Variants in VWA8 observed in about 807,000 individuals in gnomAD.
The protein encoded by VWA8 is von Willebrand factor A domain containing 8.
Under a neutral mutation model 241.5 loss-of-function variants are expected in VWA8, and 221 were observed. The observed-to-expected ratio is 0.91, with a 90% CI of 0.82 to 1.02. The LOEUF is 1.02. Among genes scored for constraint, VWA8 ranks in the 50% least tolerant of loss-of-function variants. The pLI is 0.00. For synonymous variants in VWA8, 852 were observed against 827.1 expected (o/e 1.03, Z -0.52); for missense variants, 2,322 against 2,328.7 (o/e 1.00, Z 0.06).
At chr13:41,895,838 T>TTG (rs1469515415) in intron 4 of VWA8, among the ~76,000 whole-genome samples, 3 of 151,048 alleles carry the variant, frequency 2.0e-5, no homozygotes, top group Non-Finnish European at 4.4e-5. Context: ...TTTCTTTTTT[T>TTG]TTTTTTTTTT....
chr13:41,739,839 G>GTT (rs1417524214), intron 21 of VWA8, among the ~76,000 whole-genome samples: 3 of 43,584 alleles, frequency 6.9e-5, no homozygotes, highest in Non-Finnish European at 1.5e-4. Context: ...TTTTTTTTTT[G>GTT]TTTTTTTTGT....
At chr13:41,716,380 T>C (rs531385838) in intron 26 of VWA8, among the ~76,000 whole-genome samples, 1 of 152,128 alleles carries the variant, frequency 6.6e-6, no homozygotes, top group African/African-American at 2.4e-5. Flanking sequence ...CTGCACTCTT[T>C]AGGAGAACAA....
rs372826442 is a variant in VWA8, at chr13:41,568,279, C to T, written c.5636G>A (p.Arg1879Gln). The change falls in exon 45 of 45, where the codon CGG becomes CAG. Residue 1879 changes from arginine (R) to glutamine (Q), a missense_variant. Transcript: ENST00000379310. ...TRLQRTLPAG[R>Q]SFVAMDTKDI... is the part of the protein sequence containing the mutation. ...CTTGGTATCCATGGCAACGAAAGAC[C>T]GACCAGCTGGTAAAGTTCTCTGAAG... is the stretch of plus-strand genomic sequence containing the variant. The T allele has an allele frequency of 1.2e-5, 19 of 1,614,080 alleles. No homozygotes were observed. The highest frequency in any genetic ancestry group is 5.3e-5 in the African/African-American group (4 of 75,024).
intron 38 of VWA8, among the ~76,000 whole-genome samples, chr13:41,612,691 C>A (rs1337670190): frequency 6.6e-6 from 1 of 152,108 alleles, no homozygotes; most frequent in African/African-American, 2.4e-5. Context: ...TAACCTGTTT[C>A]TTTTGTTCAT....
chr13:41,783,739 G>A (rs956048782), intron 19 of VWA8, 56 bp downstream of exon 19: 10 of 1,166,834 alleles, frequency 8.6e-6, no homozygotes, highest in Admixed American at 6.4e-5. Flanking sequence ...ACTTGAATTG[G>A]AGTGTACTAC....
chr13:41,838,170 A>T (rs751937493), intron 12 of VWA8, among the ~76,000 whole-genome samples: 15 of 152,162 alleles, frequency 9.9e-5, no homozygotes, highest in Non-Finnish European at 1.9e-4. Flanking sequence ...ATATGCTTTA[A>T]ATGTTTTTAG....
rs9566847 is a variant in VWA8 at position 41,767,881 on chromosome 13, A to G, written c.2350-6677T>C. 1.5e-3 allele frequency among the ~76,000 whole-genome samples: 232 copies of G among 152,346 alleles called. 6 individuals carry two copies. The East Asian group carries it at 0.036, about 24-fold the overall frequency. On this transcript the variant is annotated intron_variant, in intron 20 of 44. Transcript: ENST00000379310. ...CCAAAGCAGTCACGACAAATATTGC[A>G]GGGGGCAAAAATCAATGTGTCTGCA... is the stretch of plus-strand genomic sequence containing the variant.
At chr13:41,933,457 A>G (rs1245086573) in intron 2 of VWA8, among the ~76,000 whole-genome samples, 1 of 152,092 alleles carries the variant, frequency 6.6e-6, no homozygotes. Flanking sequence ...TTATAAATTG[A>G]CAAGTTGATT....
At chr13:41,738,327 C>G (rs1034528443) in intron 21 of VWA8, among the ~76,000 whole-genome samples, 6 of 152,042 alleles carry the variant, frequency 3.9e-5, no homozygotes, top group African/African-American at 1.4e-4. Context: ...GGATAATATT[C>G]ATAGAATATC....
At chr13:41,671,273 C>T in intron 36 of VWA8, 126 bp from the exon 37 acceptor site, 1 of 1,019,124 alleles carries the variant, frequency 9.8e-7, no homozygotes, top group Non-Finnish European at 1.4e-6. Flanking sequence ...TTTATACCTG[C>T]TCTTACCTCT....
chr13:41,831,247 T>C (rs1367754048), intron 13 of VWA8, among the ~76,000 whole-genome samples: 2 of 152,078 alleles, frequency 1.3e-5, no homozygotes, highest in Admixed American at 6.5e-5. Flanking sequence ...TTAGCCTACA[T>C]AGCCTCCATT....
chr13:41,887,397 A>T (rs1446481315), intron 5 of VWA8, 36 bp from the exon 6 acceptor site: 2 of 1,586,772 alleles, frequency 1.3e-6, no homozygotes, highest in African/African-American at 2.7e-5. Flanking sequence ...TATAGCATAA[A>T]TGATACAAAT....
intron 39 of VWA8, among the ~76,000 whole-genome samples, chr13:41,608,160 G>A (rs927534265): frequency 1.3e-5 from 2 of 152,078 alleles, no homozygotes; most frequent in African/African-American, 4.8e-5. Context: ...TTCAGTTATA[G>A]GCCTACCACT....
chr13:41,568,815 T>C (rs1447887630), intron 44 of VWA8, among the ~76,000 whole-genome samples: 2 of 152,210 alleles, frequency 1.3e-5, no homozygotes, highest in Non-Finnish European at 2.9e-5. Flanking sequence ...CATCACACAA[T>C]GTGAAATGCG....
At chr13:41,784,577 T>C (rs574897248) in intron 18 of VWA8, among the ~76,000 whole-genome samples, 2 of 2,924 alleles carry the variant, frequency 6.8e-4, no homozygotes, top group Admixed American at 0.011. Context: ...GGCAGGAGGA[T>C]TGCTTGAGCC....
At chr13:41,619,175 G>A (rs528686002) in intron 37 of VWA8, among the ~76,000 whole-genome samples, 2 of 152,230 alleles carry the variant, frequency 1.3e-5, no homozygotes, top group South Asian at 2.1e-4. Context: ...TCCTTGAAGA[G>A]GTCCTTCACA....
At position 41,896,716 on chromosome 13, in the gene VWA8, G is replaced by A. The variant is rs958667493; in HGVS notation, c.484-5129C>T. Reference sequence around the variant, plus strand: ...CTAAAGGTAAAACATGATATTTTTAGACTTTCAAATTGGCAAGGATTAAAA... The same window carrying A: ...CTAAAGGTAAAACATGATATTTTTAAACTTTCAAATTGGCAAGGATTAAAA... On this transcript the variant is annotated intron_variant, in intron 4 of 44. Transcript: ENST00000379310. 2.6e-5 allele frequency among the ~76,000 whole-genome samples: 4 copies of A among 152,182 alleles called. No individual in the cohort carries two copies. In the East Asian group the frequency reaches 5.8e-4, roughly 22 times the overall value.
rs1056210757 is a variant in VWA8 at position 41,568,278 on chromosome 13, C to T, written c.5637G>A (p.Arg1879=). ...TRLQRTLPAG[R]SFVAMDTKDI... is the part of the protein sequence containing the mutation. ...CCTTGGTATCCATGGCAACGAAAGA[C>T]CGACCAGCTGGTAAAGTTCTCTGAA... is the stretch of plus-strand genomic sequence containing the variant. The change falls in exon 45 of 45, where the codon CGG becomes CGA. Residue 1879 remains arginine (R), a synonymous_variant. Coordinates refer to ENST00000379310, the MANE Select transcript of VWA8 (RefSeq NM_015058.2). 1 of 1,614,096 alleles carries T rather than the reference C, an allele frequency of 6.2e-7. No individual in the cohort carries two copies. The highest frequency in any genetic ancestry group is 8.5e-7 in the Non-Finnish European group (1 of 1,180,008).
chr13:41,948,740 T>C (rs1877976796), intron 2 of VWA8, among the ~76,000 whole-genome samples: 1 of 152,112 alleles, frequency 6.6e-6, no homozygotes, highest in East Asian at 1.9e-4. Flanking sequence ...AGATTTTTAC[T>C]CAACAGAAGT....
Sources: gnomAD v4.1 joint callset for allele counts (sites outside exome capture counted in the v4.1 genomes callset) on GRCh38, gnomAD v4.1.1 for gene constraint, MANE v1.5 for transcripts, NCBI Gene and HGNC (gene_info 2026-07-23, HGNC 2026-07-21) for gene names.